Variants in CCDC91 observed in about 807,000 individuals in gnomAD.
CCDC91 encodes coiled-coil domain containing 91.
In CCDC91, 48 loss-of-function variants were observed where a neutral mutation model predicts 63.2. The observed-to-expected ratio is 0.76, with a 90% CI of 0.60 to 0.97. The LOEUF is 0.97. CCDC91 is among the 50% of genes least tolerant of loss of function. CCDC91 has a pLI of 0.00. For missense variants in CCDC91, 500 were observed against 494.6 expected, an observed-to-expected ratio of 1.01 and a Z score of -0.10; for synonymous variants, 167 against 165.8, an observed-to-expected ratio of 1.01 and a Z score of -0.06.
At position 28,481,333 on chromosome 12, in the gene CCDC91, A is replaced by G. The variant is rs189124510; in HGVS notation, c.1102-2719A>G. Among the ~76,000 whole-genome samples, 171 of 152,080 alleles carry G rather than the reference A, an allele frequency of 1.1e-3. 2 individuals are homozygous for G. The highest frequency in any genetic ancestry group is 4.0e-3 in the African/African-American group (165 of 41,542). On this transcript the variant is annotated intron_variant, in intron 11 of 12. Transcript: ENST00000536442. ...GCTTACACACAGGATGCTCCCTTACAGCAAAGGATTGTCAGTAGTTCCAAG... is the reference window on the plus strand; with the variant it reads ...GCTTACACACAGGATGCTCCCTTACGGCAAAGGATTGTCAGTAGTTCCAAG...
chr12:28,190,791 CCAGGAGT>C (rs1941149553), intron 1 of CCDC91, 150 bp downstream of exon 1: 1 of 152,230 alleles, frequency 6.6e-6, no homozygotes, highest in Admixed American at 6.5e-5. Context: ...GTCGCAGCGA[CCAGGAGT>C]CAGGGGGCGT....
At chr12:28,491,939 G>A (rs1433332636) in intron 12 of CCDC91, among the ~76,000 whole-genome samples, 3 of 149,220 alleles carry the variant, frequency 2.0e-5, no homozygotes, top group African/African-American at 7.3e-5. Context: ...CAAAATGTGT[G>A]TGTGCGTGTA....
intron 7 of CCDC91, among the ~76,000 whole-genome samples, chr12:28,375,901 A>G (rs181300775): frequency 6.6e-6 from 1 of 152,008 alleles, no homozygotes; most frequent in Admixed American, 6.6e-5. Flanking sequence ...TTTTGAGATA[A>G]TGAGGAACTG....
At chr12:28,354,585 G>T (rs1461700569) in intron 6 of CCDC91, among the ~76,000 whole-genome samples, 1 of 152,082 alleles carries the variant, frequency 6.6e-6, no homozygotes, top group Non-Finnish European at 1.5e-5. Context: ...TAATACTGTG[G>T]ACAGGAAAAC....
intron 8 of CCDC91, among the ~76,000 whole-genome samples, chr12:28,428,270 G>T (rs555067843): frequency 6.6e-6 from 1 of 152,092 alleles, no homozygotes; most frequent in Non-Finnish European, 1.5e-5. Flanking sequence ...AAAATATTCT[G>T]CATGAAATTC....
chr12:28,388,996 G>T (rs1273008104), intron 7 of CCDC91, among the ~76,000 whole-genome samples: 1 of 152,112 alleles, frequency 6.6e-6, no homozygotes, highest in Non-Finnish European at 1.5e-5. Flanking sequence ...TAAAAACAAA[G>T]ATAAATAGGT....
At chr12:28,471,144 T>C (rs1950794593) in intron 11 of CCDC91, among the ~76,000 whole-genome samples, 1 of 152,180 alleles carries the variant, frequency 6.6e-6, no homozygotes, top group African/African-American at 2.4e-5. Context: ...TAGATAGACC[T>C]GTAACTAGGT....
At chr12:28,427,019 C>T (rs1342007995) in intron 8 of CCDC91, among the ~76,000 whole-genome samples, 1 of 152,030 alleles carries the variant, frequency 6.6e-6, no homozygotes, top group Admixed American at 6.6e-5. Flanking sequence ...TTTTGTCTCC[C>T]CTATTGTCTT....
chr12:28,402,696 C>T (rs1053371310), intron 8 of CCDC91, among the ~76,000 whole-genome samples: 41 of 151,522 alleles, frequency 2.7e-4, no homozygotes, highest in African/African-American at 9.7e-4. Context: ...AAAGCAGTTG[C>T]GAGAAAGGGA....
At position 28,549,771 on chromosome 12, in the gene CCDC91, C is replaced by CT. The variant is rs1337234114; in HGVS notation, c.*601dup. 1 of 152,124 alleles carries CT rather than the reference C, an allele frequency of 6.6e-6. No individual in the cohort carries two copies. The highest frequency in any genetic ancestry group is 1.5e-5 in the Non-Finnish European group (1 of 68,020). 9.4% of individuals were successfully genotyped at this position (152,124 alleles called of 1,614,324 possible). On this transcript the variant is annotated 3_prime_UTR_variant, in exon 13 of 13. Coordinates refer to ENST00000536442, the MANE Select transcript of CCDC91 (RefSeq NM_018318.5). The stretch of plus-strand genomic sequence containing the variant: ...ACTAAAGATTATTATATTAATTCAA[C>CT]TTTGATCTGATATATCACTTAAACT...
At chr12:28,343,346 CAT>C (rs1435552358) in intron 6 of CCDC91, among the ~76,000 whole-genome samples, 2 of 151,958 alleles carry the variant, frequency 1.3e-5, no homozygotes, top group African/African-American at 2.4e-5. Flanking sequence ...AGCCATATAT[CAT>C]ATGTATATAT....
chr12:28,272,458 TA>T (rs1947848504), intron 3 of CCDC91, among the ~76,000 whole-genome samples: 1 of 145,016 alleles, frequency 6.9e-6, no homozygotes, highest in Non-Finnish European at 1.5e-5. Context: ...CTCTCTCTAC[TA>T]TGTCCATTAA....
intron 12 of CCDC91, among the ~76,000 whole-genome samples, chr12:28,521,936 G>T (rs1483851179): frequency 1.3e-5 from 2 of 152,142 alleles, no homozygotes; most frequent in Non-Finnish European, 2.9e-5. Context: ...CTTGATCATG[G>T]TGGATAAGCT....
chr12:28,190,928 C>T (rs1414590245), intron 1 of CCDC91, among the ~76,000 whole-genome samples: 1 of 152,234 alleles, frequency 6.6e-6, no homozygotes, highest in African/African-American at 2.4e-5. Flanking sequence ...CGAAAGTCTA[C>T]GCCCACGAAC....
At chr12:28,336,697 A>C (rs1168455182) in intron 6 of CCDC91, among the ~76,000 whole-genome samples, 6 of 152,120 alleles carry the variant, frequency 3.9e-5, no homozygotes. Context: ...ACATGAAAGT[A>C]GACAGGAGAA....
At chr12:28,290,332 T>G (rs1309984900) in intron 3 of CCDC91, among the ~76,000 whole-genome samples, 1 of 152,222 alleles carries the variant, frequency 6.6e-6, no homozygotes, top group Non-Finnish European at 1.5e-5. Flanking sequence ...ATCCTTGCTT[T>G]TTTTCTGATT....
chr12:28,363,346 C>T (rs1592432171), intron 7 of CCDC91, among the ~76,000 whole-genome samples: 1 of 152,094 alleles, frequency 6.6e-6, no homozygotes, highest in East Asian at 1.9e-4. Flanking sequence ...CATGTCAGTA[C>T]ATATAAGCTT....
Position 28,396,249 on chromosome 12 carries a change from T to C in CCDC91, c.762+4838T>C, listed in dbSNP as rs868157629. Among the ~76,000 whole-genome samples the C allele has an allele frequency of 2.6e-5, 4 of 152,248 alleles. No individual in the cohort carries two copies. In the South Asian group the frequency reaches 6.2e-4, roughly 24 times the overall value. On this transcript the variant is annotated intron_variant, in intron 8 of 12. Transcript: ENST00000536442. ...TAAAAATCTTTCATTTGAGAAAATA[T>C]AAGTGTTAAGGGTAAGACCATATGA...
At chr12:28,428,977 C>T (rs1042270331) in intron 8 of CCDC91, among the ~76,000 whole-genome samples, 31 of 152,110 alleles carry the variant, frequency 2.0e-4, no homozygotes, top group African/African-American at 7.0e-4. Context: ...ATACATGCTT[C>T]TGACCTGTTT....
Sources: gnomAD v4.1 joint callset for allele counts (sites outside exome capture counted in the v4.1 genomes callset) on GRCh38, gnomAD v4.1.1 for gene constraint, MANE v1.5 for transcripts, NCBI Gene and HGNC (gene_info 2026-07-23, HGNC 2026-07-21) for gene names.